Variants in GRID2 observed in about 807,000 individuals in gnomAD.
GRID2 encodes the protein glutamate ionotropic receptor delta type subunit 2.
Under a neutral mutation model 114.8 loss-of-function variants are expected in GRID2, and 33 were observed. The ratio of observed to expected loss-of-function variants is 0.29; its 90% CI spans 0.22 to 0.38. The LOEUF (loss-of-function observed/expected upper bound fraction) is 0.38. GRID2 is among the 10% of genes least tolerant of loss of function. The pLI is 1.00. For missense variants in GRID2, 1,184 were observed against 1,257.7 expected (o/e 0.94, Z 0.89); for synonymous variants, 505 against 449.9 (o/e 1.12, Z -1.55).
intron 12 of GRID2, among the ~76,000 whole-genome samples, chr4:93,499,692 A>G (rs1340866268): frequency 6.6e-6 from 1 of 151,920 alleles, no homozygotes; most frequent in East Asian, 1.9e-4. Flanking sequence ...TGTTATATCC[A>G]TCTTGAGAGG....
At chr4:93,705,226 T>C (rs1397261635) in intron 14 of GRID2, among the ~76,000 whole-genome samples, 2 of 152,208 alleles carry the variant, frequency 1.3e-5, no homozygotes, top group Non-Finnish European at 2.9e-5. Flanking sequence ...ACCTTTCACA[T>C]ACCTGTTTAC....
chr4:93,371,918 T>C lies in GRID2; in HGVS notation c.1246-23689T>C, dbSNP rs112387213. The stretch of plus-strand genomic sequence containing the variant: ...ACCCACCACCACACCCGGCTAATTT[T>C]TGTATTCTTAGTAGAGACGGGGTTT... On this transcript the variant is annotated intron_variant, in intron 8 of 15. Coordinates refer to ENST00000282020, the MANE Select transcript of GRID2 (RefSeq NM_001510.4). 3.3e-3 allele frequency among the ~76,000 whole-genome samples: 506 copies of C among 152,008 alleles called. 7 individuals are homozygous for C. Among genetic ancestry groups the C allele is most frequent in the African/African-American group, 0.012 (486 of 41,482 alleles).
chr4:93,607,364 C>T (rs1217317153), intron 13 of GRID2, among the ~76,000 whole-genome samples: 1 of 152,120 alleles, frequency 6.6e-6, no homozygotes. Flanking sequence ...AGAAATCCTT[C>T]CATAGCACCT....
intron 1 of GRID2, among the ~76,000 whole-genome samples, chr4:92,537,787 GTGTGTGTGTGTGTGTGT>G (rs1725725107): frequency 9.8e-6 from 1 of 102,510 alleles, no homozygotes; most frequent in South Asian, 2.8e-4. Context: ...AACTTGCGGT[GTGTGTGTGTGTGTGTGT>G]GTGTGTGTGT....
At chr4:93,411,057 GA>G (rs1375287748) in intron 9 of GRID2, among the ~76,000 whole-genome samples, 3 of 151,954 alleles carry the variant, frequency 2.0e-5, no homozygotes, top group Middle Eastern at 3.4e-3. Context: ...GAGTACTATT[GA>G]AAAAAGTATT....
intron 1 of GRID2, among the ~76,000 whole-genome samples, chr4:92,478,100 A>G (rs1196306951): frequency 2.6e-5 from 4 of 151,940 alleles, no homozygotes; most frequent in African/African-American, 9.7e-5. Context: ...ATATCATAGA[A>G]TAATATTTTC....
At chr4:93,203,473 T>TGG (rs1742327422) in intron 4 of GRID2, among the ~76,000 whole-genome samples, 1 of 152,170 alleles carries the variant, frequency 6.6e-6, no homozygotes, top group Non-Finnish European at 1.5e-5. Context: ...CTTCTCCAGA[T>TGG]AAAAATGTGT....
chr4:93,108,271 T>C (rs902440235), intron 3 of GRID2, among the ~76,000 whole-genome samples: 20 of 152,364 alleles, frequency 1.3e-4, no homozygotes, highest in Middle Eastern at 3.4e-3. Context: ...GGTTTTAGTT[T>C]GTTTACTTGT....
At chr4:93,659,406 C>T (rs751130324) in intron 14 of GRID2, among the ~76,000 whole-genome samples, 12 of 152,146 alleles carry the variant, frequency 7.9e-5, no homozygotes, top group Admixed American at 4.6e-4. Context: ...TATTCACCAA[C>T]GAATTACTAG....
intron 14 of GRID2, among the ~76,000 whole-genome samples, chr4:93,719,050 C>A (rs564107750): frequency 6.6e-6 from 1 of 151,188 alleles, no homozygotes; most frequent in South Asian, 2.1e-4. Context: ...ATATATTATA[C>A]GAAATATAAA....
At chr4:92,387,786 A>G (rs1228947565) in intron 1 of GRID2, among the ~76,000 whole-genome samples, 2 of 152,024 alleles carry the variant, frequency 1.3e-5, no homozygotes, top group Non-Finnish European at 2.9e-5. Flanking sequence ...ATTTCTTGTT[A>G]TCTGTTTTAA....
chr4:93,127,435 A>G (rs896424407), intron 4 of GRID2, among the ~76,000 whole-genome samples: 5 of 152,222 alleles, frequency 3.3e-5, no homozygotes, highest in African/African-American at 9.6e-5. Flanking sequence ...GAGAAGCATA[A>G]CTAATTGACA....
At chr4:92,771,915 C>T (rs1179447975) in intron 2 of GRID2, among the ~76,000 whole-genome samples, 1 of 152,088 alleles carries the variant, frequency 6.6e-6, no homozygotes, top group Non-Finnish European at 1.5e-5. Context: ...GCTCCAAAAA[C>T]CACAAGGATC....
At chr4:92,928,543 T>A (rs1206081446) in intron 2 of GRID2, among the ~76,000 whole-genome samples, 3 of 151,680 alleles carry the variant, frequency 2.0e-5, no homozygotes, top group Non-Finnish European at 4.4e-5. Flanking sequence ...TGCAGCATAA[T>A]ATATCCATAA....
At chr4:93,356,071 C>T (rs1171275600) in intron 8 of GRID2, among the ~76,000 whole-genome samples, 1 of 152,042 alleles carries the variant, frequency 6.6e-6, no homozygotes, top group Non-Finnish European at 1.5e-5. Flanking sequence ...AAAATATAAA[C>T]ATTATTGTTT....
chr4:92,870,777 T>C (rs1745218722), intron 2 of GRID2, among the ~76,000 whole-genome samples: 1 of 152,076 alleles, frequency 6.6e-6, no homozygotes, highest in Non-Finnish European at 1.5e-5. Flanking sequence ...GAAAATAATC[T>C]TTACTAGATT....
At chr4:93,011,073 A>T (rs1391532559) in intron 2 of GRID2, among the ~76,000 whole-genome samples, 1 of 149,744 alleles carries the variant, frequency 6.7e-6, no homozygotes, top group Non-Finnish European at 1.5e-5. Flanking sequence ...TAGAAATATA[A>T]TTTTTTAATA....
Position 92,722,820 on chromosome 4 carries a change from C to T in GRID2, c.244+132534C>T, listed in dbSNP as rs180855281. On this transcript the variant is annotated intron_variant, in intron 2 of 15. Coordinates refer to ENST00000282020, the MANE Select transcript of GRID2 (RefSeq NM_001510.4). ...AGTCCCTAGCTTCCAGATCCAATAC[C>T]CTTTCCCAATTGTAACATAATGACC... 4.1e-3 allele frequency among the ~76,000 whole-genome samples: 617 copies of T among 152,092 alleles called. 3 individuals carry two copies. Among genetic ancestry groups the T allele is most frequent in the Middle Eastern group, 0.027 (8 of 294 alleles).
chr4:92,358,894 G>A (rs1728472269), intron 1 of GRID2, among the ~76,000 whole-genome samples: 1 of 151,818 alleles, frequency 6.6e-6, no homozygotes, highest in Non-Finnish European at 1.5e-5. Context: ...ATTCTAATAT[G>A]CATACTTTTT....
Sources: gnomAD v4.1 joint callset for allele counts (sites outside exome capture counted in the v4.1 genomes callset) on GRCh38, gnomAD v4.1.1 for gene constraint, MANE v1.5 for transcripts, NCBI Gene and HGNC (gene_info 2026-07-23, HGNC 2026-07-21) for gene names.